PPFIA2: variants seen among roughly 807,000 people sequenced by gnomAD.
PPFIA2 encodes the protein liprin-alpha-2.
PPFIA2 carries 46 observed loss-of-function variants against 175.5 expected under a neutral mutation model. That is an observed-to-expected ratio of 0.26 (90% confidence interval 0.21 to 0.34). The LOEUF (loss-of-function observed/expected upper bound fraction) is 0.34, where lower values mean the gene tolerates loss of function less well. Among genes scored for constraint, PPFIA2 ranks in the 10% least tolerant of loss-of-function variants. The pLI is 1.00. For synonymous variants in PPFIA2, 568 were observed against 511.4 expected (o/e 1.11, Z -1.49); for missense variants, 1,179 against 1,506.1 (o/e 0.78, Z 3.60).
rs760196157 is a variant in PPFIA2 at position 81,282,993 on chromosome 12, G to A, written c.3018+17C>T. ...ACTAAATGATATTAAGGGTCTTAAA[G>A]CATATGAATCTCCTACCTGGGCCCA... On this transcript the variant is annotated intron_variant, in intron 26 of 32. Coordinates refer to ENST00000549396, the MANE Select transcript of PPFIA2 (RefSeq NM_003625.5). 6.2e-7 allele frequency: 1 copy of A among 1,605,488 alleles called. No homozygotes were observed. The highest frequency in any genetic ancestry group is 2.2e-5 in the East Asian group (1 of 44,704).
chr12:81,675,718 C>T (rs1048076227), intron 4 of PPFIA2: 3 of 152,002 alleles, frequency 2.0e-5, no homozygotes, highest in Admixed American at 1.3e-4. Context: ...AGGTAAAAGA[C>T]TGGCCATTAA....
At chr12:81,699,415 G>T (rs1004887605) in intron 3 of PPFIA2, among the ~76,000 whole-genome samples, 1 of 151,524 alleles carries the variant, frequency 6.6e-6, no homozygotes, top group South Asian at 2.1e-4. Flanking sequence ...TAGTATAAAG[G>T]TTTTTTCACC....
intron 4 of PPFIA2, among the ~76,000 whole-genome samples, chr12:81,624,022 C>T (rs2062381687): frequency 1.3e-5 from 2 of 151,596 alleles, no homozygotes; most frequent in South Asian, 2.1e-4. Flanking sequence ...TCTGTCTTTC[C>T]CTTGCCAGAA....
chr12:81,463,030 T>C (rs1227804070), intron 4 of PPFIA2, among the ~76,000 whole-genome samples: 1 of 152,062 alleles, frequency 6.6e-6, no homozygotes, highest in Non-Finnish European at 1.5e-5. Context: ...ATTATGATTT[T>C]AGAACAGTAT....
intron 22 of PPFIA2, among the ~76,000 whole-genome samples, chr12:81,311,574 A>G (rs977859235): frequency 6.6e-6 from 1 of 151,892 alleles, no homozygotes. Context: ...TCTACCAAAA[A>G]TACAAAAAAT....
chr12:81,584,173 A>G (rs540819943), intron 4 of PPFIA2, among the ~76,000 whole-genome samples: 1 of 151,990 alleles, frequency 6.6e-6, no homozygotes, highest in East Asian at 1.9e-4. Context: ...AGAACAGTGT[A>G]TGCAAATATT....
intron 5 of PPFIA2, among the ~76,000 whole-genome samples, chr12:81,453,738 A>G (rs1196330046): frequency 6.6e-6 from 1 of 152,166 alleles, no homozygotes; most frequent in African/African-American, 2.4e-5. Flanking sequence ...GTTGGATTTA[A>G]GAACAACTGC....
chr12:81,688,419 C>T (rs1037088366), intron 3 of PPFIA2, among the ~76,000 whole-genome samples: 23 of 151,838 alleles, frequency 1.5e-4, no homozygotes, highest in Middle Eastern at 3.4e-3. Context: ...TTTGATGGAT[C>T]GGAGGCTCAA....
At chr12:81,564,718 G>A (rs2070928182) in intron 4 of PPFIA2, among the ~76,000 whole-genome samples, 1 of 152,128 alleles carries the variant, frequency 6.6e-6, no homozygotes. Context: ...GGAGAACCAA[G>A]GAACATAATG....
At chr12:81,634,161 G>T (rs552508751) in intron 4 of PPFIA2, among the ~76,000 whole-genome samples, 26 of 152,130 alleles carry the variant, frequency 1.7e-4, no homozygotes, top group Non-Finnish European at 3.2e-4. Context: ...AGCAGGTTTT[G>T]TTCTCATGGG....
At chr12:81,385,852 G>T (rs1452719330) in intron 8 of PPFIA2, among the ~76,000 whole-genome samples, 7 of 152,082 alleles carry the variant, frequency 4.6e-5, no homozygotes, top group African/African-American at 1.2e-4. Context: ...GATTTTAAGT[G>T]CTCTCACCAC....
At chr12:81,559,187 G>A (rs2069445768) in intron 4 of PPFIA2, among the ~76,000 whole-genome samples, 1 of 152,170 alleles carries the variant, frequency 6.6e-6, no homozygotes. Flanking sequence ...TAGAAAATGT[G>A]GGTAATATCA....
intron 15 of PPFIA2, among the ~76,000 whole-genome samples, chr12:81,360,818 TATA>T (rs1056453463): frequency 5.3e-5 from 8 of 151,814 alleles, no homozygotes; most frequent in Non-Finnish European, 1.0e-4. Flanking sequence ...TAATTATTTC[TATA>T]ATACTTTATA....
At chr12:81,629,468 A>G (rs2063117022) in intron 4 of PPFIA2, among the ~76,000 whole-genome samples, 1 of 152,118 alleles carries the variant, frequency 6.6e-6, no homozygotes, top group Non-Finnish European at 1.5e-5. Flanking sequence ...TCTCTCATCC[A>G]TTCATTACCA....
intron 3 of PPFIA2, among the ~76,000 whole-genome samples, chr12:81,725,158 C>G (rs1039056436): frequency 6.6e-6 from 1 of 150,752 alleles, no homozygotes; most frequent in East Asian, 2.0e-4. Context: ...TATGTCAGAT[C>G]AAGGGAACAA....
intron 3 of PPFIA2, among the ~76,000 whole-genome samples, chr12:81,738,056 T>C (rs1370129318): frequency 1.3e-5 from 2 of 151,668 alleles, no homozygotes; most frequent in African/African-American, 4.8e-5. Context: ...AAATACGTTT[T>C]AAGTACATTA....
intron 4 of PPFIA2, among the ~76,000 whole-genome samples, chr12:81,495,260 G>A (rs2059910640): frequency 6.6e-6 from 1 of 151,768 alleles, no homozygotes; most frequent in African/African-American, 2.4e-5. Context: ...GCCAAGTATG[G>A]AATTTCTGAT....
At chr12:81,478,938 T>C (rs2057836805) in intron 4 of PPFIA2, among the ~76,000 whole-genome samples, 1 of 152,170 alleles carries the variant, frequency 6.6e-6, no homozygotes, top group Non-Finnish European at 1.5e-5. Context: ...TGAGTCCACT[T>C]GGTCCAGAGC....
chr12:81,361,860 T>C (rs1284195682), intron 15 of PPFIA2, among the ~76,000 whole-genome samples: 1 of 151,634 alleles, frequency 6.6e-6, no homozygotes, highest in Non-Finnish European at 1.5e-5. Flanking sequence ...GCTATTATTC[T>C]GTGTTGCCTA....
Sources: gnomAD v4.1 joint callset for allele counts (sites outside exome capture counted in the v4.1 genomes callset) on GRCh38, gnomAD v4.1.1 for gene constraint, MANE v1.5 for transcripts, NCBI Gene and HGNC (gene_info 2026-07-23, HGNC 2026-07-21) for gene names.